WDR12: variants seen among roughly 807,000 people sequenced by gnomAD.
The protein encoded by WDR12 is WD repeat domain 12.
Under a neutral mutation model 64.3 loss-of-function variants are expected in WDR12, and 42 were observed. That is an observed-to-expected ratio of 0.65 (90% CI 0.51 to 0.84). The LOEUF (loss-of-function observed/expected upper bound fraction) is 0.84. WDR12 is among the 40% of genes least tolerant of loss of function. The pLI is 0.00. For synonymous variants in WDR12, 158 were observed against 173.3 expected (o/e 0.91, Z 0.70); for missense variants, 469 against 494.6 (o/e 0.95, Z 0.49).
intron 1 of WDR12, 104 bp downstream of exon 1, chr2:202,911,332 G>C: frequency 9.0e-7 from 1 of 1,115,600 alleles, no homozygotes; most frequent in Non-Finnish European, 1.4e-6. Flanking sequence ...CAGAAAAAAG[G>C]GTGGGGGTGA....
intron 8 of WDR12, among the ~76,000 whole-genome samples, chr2:202,889,628 G>GT (rs964309169): frequency 1.3e-5 from 2 of 151,520 alleles, no homozygotes; most frequent in African/African-American, 4.9e-5. Flanking sequence ...AAGATGTGGA[G>GT]TAACAGCCAG....
At chr2:202,889,241 G>A (rs1334847491) in intron 8 of WDR12, among the ~76,000 whole-genome samples, 1 of 152,090 alleles carries the variant, frequency 6.6e-6, no homozygotes, top group East Asian at 1.9e-4. Context: ...TATGCACCTA[G>A]AAATAAATGG....
At chr2:202,899,938 C>A (rs1688319890) in intron 3 of WDR12, among the ~76,000 whole-genome samples, 1 of 152,084 alleles carries the variant, frequency 6.6e-6, no homozygotes, top group South Asian at 2.1e-4. Context: ...CCAGCCCAGG[C>A]AACAAAGCAA....
At chr2:202,910,610 T>C (rs1688575178) in intron 1 of WDR12, among the ~76,000 whole-genome samples, 1 of 152,172 alleles carries the variant, frequency 6.6e-6, no homozygotes, top group African/African-American at 2.4e-5. Flanking sequence ...CTACTTTCAA[T>C]TAAAAAACAC....
At chr2:202,897,888 C>CAAAAAAAAAAA (rs10637220) in intron 4 of WDR12, among the ~76,000 whole-genome samples, 15 of 74,182 alleles carry the variant, frequency 2.0e-4, no homozygotes, top group Non-Finnish European at 3.3e-4. Flanking sequence ...GACTCCGTTT[C>CAAAAAAAAAAA]AAAAAAAAAA....
At chr2:202,893,024 GGAGAGT>G (rs1688180845) in intron 7 of WDR12, among the ~76,000 whole-genome samples, 2 of 151,990 alleles carry the variant, frequency 1.3e-5, no homozygotes, top group African/African-American at 4.8e-5. Context: ...GTTAGTTGTA[GGAGAGT>G]TATGACATTA....
intron 4 of WDR12, among the ~76,000 whole-genome samples, chr2:202,899,152 C>T (rs1688304882): frequency 6.7e-6 from 1 of 149,438 alleles, no homozygotes; most frequent in Non-Finnish European, 1.5e-5. Flanking sequence ...ACGCCATTCT[C>T]CTGCCTCAGC....
Position 202,909,699 on chromosome 2 carries a change from T to C in WDR12, c.41+1737A>G, listed in dbSNP as rs180997907. 2.3e-3 allele frequency among the ~76,000 whole-genome samples: 353 copies of C among 151,914 alleles called. 1 individual carries two copies. The highest frequency in any genetic ancestry group is 7.9e-3 in the African/African-American group (328 of 41,502). ...TAATTCACATATATGTATATTCTTG[T>C]GTGTGTGTGTGACAATTATATTAGC... is the stretch of plus-strand genomic sequence containing the variant. On this transcript the variant is annotated intron_variant, in intron 1 of 12. Transcript: ENST00000261015.
intron 2 of WDR12, among the ~76,000 whole-genome samples, chr2:202,906,848 T>TTA (rs1159202078): frequency 2.0e-5 from 3 of 152,204 alleles, no homozygotes; most frequent in African/African-American, 7.2e-5. Flanking sequence ...AAATACTTTA[T>TTA]TATAGAAAAT....
intron 5 of WDR12, among the ~76,000 whole-genome samples, chr2:202,897,010 CAAAA>C (rs1023184335): frequency 1.3e-5 from 2 of 151,610 alleles, no homozygotes; most frequent in African/African-American, 2.4e-5. Flanking sequence ...CAAAACAAAA[CAAAA>C]CAAACAAACA....
intron 7 of WDR12, among the ~76,000 whole-genome samples, chr2:202,893,048 A>G (rs1372044657): frequency 6.6e-6 from 1 of 152,094 alleles, no homozygotes; most frequent in Non-Finnish European, 1.5e-5. Flanking sequence ...TTACATTTAC[A>G]TTATGAAGGA....
intron 7 of WDR12, 138 bp downstream of exon 7, chr2:202,894,443 A>C (rs1688205047): frequency 1.6e-6 from 1 of 642,770 alleles, no homozygotes; most frequent in Admixed American, 3.4e-5. Flanking sequence ...GCTGCTCTTG[A>C]ACTCGTGGCC....
intron 2 of WDR12, among the ~76,000 whole-genome samples, chr2:202,904,572 C>T (rs1176876829): frequency 2.0e-5 from 3 of 152,100 alleles, no homozygotes; most frequent in Non-Finnish European, 4.4e-5. Context: ...CACTGGGGAA[C>T]AGCCAGTCTC....
Position 202,875,873 on chromosome 2 carries a change from TTAACATA to T in WDR12, c.*4980_*4986del, listed in dbSNP as rs1195094374. ...CTGCCTGTGTGACTGTTCAAAAACT[TTAACATA>T]TATTTTTCTCTCCTATAAAATGCAA... On this transcript the variant is annotated 3_prime_UTR_variant, in exon 13 of 13. Transcript: ENST00000261015. 6.6e-6 allele frequency: 1 copy of T among 152,224 alleles called. No individual in the cohort carries two copies. The allele number at this position is 152,224 out of a possible 1,614,324, so 9.4% of individuals were successfully genotyped here.
chr2:202,903,562 T>G (rs933859024), intron 2 of WDR12, among the ~76,000 whole-genome samples: 4 of 152,032 alleles, frequency 2.6e-5, no homozygotes, highest in Admixed American at 2.6e-4. Flanking sequence ...AGATGTCACA[T>G]TATCCTTGTT....
At chr2:202,906,912 G>GAAAATAAT (rs1287998008) in intron 2 of WDR12, among the ~76,000 whole-genome samples, 1 of 151,760 alleles carries the variant, frequency 6.6e-6, no homozygotes, top group South Asian at 2.1e-4. Context: ...ATGAGATACA[G>GAAAATAAT]AAAATAATAT....
At chr2:202,900,960 G>T in intron 3 of WDR12, 65 bp downstream of exon 3, 1 of 1,315,224 alleles carries the variant, frequency 7.6e-7, no homozygotes. Flanking sequence ...GATTCTAAAA[G>T]GAGTTTACCT....
chr2:202,909,530 G>T (rs1363052868), intron 1 of WDR12, among the ~76,000 whole-genome samples: 1 of 152,144 alleles, frequency 6.6e-6, no homozygotes, highest in African/African-American at 2.4e-5. Flanking sequence ...AGGGCTGGGG[G>T]TATTATTTAA....
At chr2:202,898,583 G>C (rs917875094) in intron 4 of WDR12, among the ~76,000 whole-genome samples, 1 of 152,038 alleles carries the variant, frequency 6.6e-6, no homozygotes, top group Non-Finnish European at 1.5e-5. Flanking sequence ...ATCTACTCTT[G>C]AGTTGTTTTC....
Sources: allele counts gnomAD v4.1 joint callset (sites outside exome capture counted in the v4.1 genomes callset), GRCh38; gene constraint gnomAD v4.1.1; transcripts MANE v1.5; gene names NCBI Gene and HGNC (gene_info 2026-07-23, HGNC 2026-07-21).